The following SNTB1 variants were observed in gnomAD, a reference collection of about 807,000 sequenced individuals.
The protein encoded by SNTB1 is beta-1-syntrophin.
Under a neutral mutation model 48.9 loss-of-function variants are expected in SNTB1, and 36 were observed. The observed-to-expected ratio is 0.74, with a 90% CI of 0.56 to 0.97. The LOEUF (loss-of-function observed/expected upper bound fraction) is 0.97. Among genes scored for constraint, SNTB1 ranks in the 50% least tolerant of loss-of-function variants. The probability of loss-of-function intolerance (pLI) is 0.00; values close to 1 mark genes in which losing one functional copy is unlikely to be tolerated. For synonymous variants in SNTB1, 299 were observed against 294.6 expected, an observed-to-expected ratio of 1.01 and a Z score of -0.15; for missense variants, 786 against 703.4, an observed-to-expected ratio of 1.12 and a Z score of -1.33.
chr8:120,757,688 C>T (rs1819341090), intron 1 of SNTB1, among the ~76,000 whole-genome samples: 1 of 152,162 alleles, frequency 6.6e-6, no homozygotes, highest in South Asian at 2.1e-4. Context: ...TGAAAAACTT[C>T]CCTCTATTCC....
At chr8:120,590,429 G>A (rs1244238400) in intron 3 of SNTB1, among the ~76,000 whole-genome samples, 2 of 150,926 alleles carry the variant, frequency 1.3e-5, no homozygotes, top group African/African-American at 5.0e-5. Flanking sequence ...GGATTATTGT[G>A]ACAATCAAAT....
chr8:120,649,377 C>T (rs1343409916), intron 2 of SNTB1, among the ~76,000 whole-genome samples: 3 of 135,936 alleles, frequency 2.2e-5, no homozygotes, highest in Non-Finnish European at 1.6e-5. Flanking sequence ...GTTAGTTTTC[C>T]TTCTAACAGA....
Position 120,575,099 on chromosome 8 carries a change from G to A in SNTB1, c.1123C>T (p.Leu375Phe), listed in dbSNP as rs1268356294. 8.1e-6 allele frequency: 13 copies of A among 1,614,062 alleles called. No homozygotes were observed. The Admixed American group carries it at 2.0e-4, about 25-fold the overall frequency. Residue 375 changes from leucine (L) to phenylalanine (F), a missense_variant, in exon 4 of 7, where the codon CTT becomes TTT. Physicochemically the swap from Leu to Phe is conservative, Grantham distance 22. Transcript: ENST00000517992. Reference protein sequence around the residue: ...AWFSPVHTYPLLATRLVHSGP... With the variant: ...AWFSPVHTYPFLATRLVHSGP... Reference sequence around the variant, plus strand: ...GGCCATGGCTACCTGGTGGCAAGAAGAGGGTATGTGTGAACTGGGCTGAAC... The same window carrying A: ...GGCCATGGCTACCTGGTGGCAAGAAAAGGGTATGTGTGAACTGGGCTGAAC...
At chr8:120,776,026 G>A (rs1324993372) in intron 1 of SNTB1, among the ~76,000 whole-genome samples, 1 of 152,218 alleles carries the variant, frequency 6.6e-6, no homozygotes, top group Non-Finnish European at 1.5e-5. Context: ...GGAAGACAGT[G>A]TGGCAATTCC....
At chr8:120,655,495 G>C (rs1817486441) in intron 2 of SNTB1, among the ~76,000 whole-genome samples, 1 of 152,282 alleles carries the variant, frequency 6.6e-6, no homozygotes, top group African/African-American at 2.4e-5. Flanking sequence ...CAGATAAGAA[G>C]ATGGTGTCTT....
intron 1 of SNTB1, among the ~76,000 whole-genome samples, chr8:120,783,488 A>C (rs1485420664): frequency 3.3e-5 from 5 of 152,200 alleles, no homozygotes; most frequent in African/African-American, 1.2e-4. Flanking sequence ...CCCTAACCAA[A>C]ACCTAAAATA....
At chr8:120,771,400 C>T (rs1819626121) in intron 1 of SNTB1, among the ~76,000 whole-genome samples, 1 of 152,108 alleles carries the variant, frequency 6.6e-6, no homozygotes, top group Admixed American at 6.5e-5. Flanking sequence ...TTTCTGTTTC[C>T]ATGTGAAAAT....
At chr8:120,644,105 C>G (rs529472188) in intron 2 of SNTB1, among the ~76,000 whole-genome samples, 1 of 151,948 alleles carries the variant, frequency 6.6e-6, no homozygotes, top group East Asian at 1.9e-4. Flanking sequence ...GTTTTTGAAG[C>G]TGTGTACCAG....
intron 2 of SNTB1, among the ~76,000 whole-genome samples, chr8:120,667,312 C>T (rs1388570524): frequency 1.3e-5 from 2 of 152,174 alleles, no homozygotes; most frequent in Middle Eastern, 3.4e-3. Flanking sequence ...TGAAAGCTGG[C>T]CCCTGGCTGC....
At chr8:120,646,597 G>T (rs912269633) in intron 2 of SNTB1, among the ~76,000 whole-genome samples, 1 of 151,874 alleles carries the variant, frequency 6.6e-6, no homozygotes, top group African/African-American at 2.4e-5. Context: ...TTGCATTAAT[G>T]TTCATCAAGG....
intron 1 of SNTB1, among the ~76,000 whole-genome samples, chr8:120,721,150 T>C (rs1219560664): frequency 6.6e-6 from 1 of 152,242 alleles, no homozygotes; most frequent in Admixed American, 6.5e-5. Context: ...TAGACTTCTA[T>C]AAAGTATGCT....
At position 120,536,433 on chromosome 8, in the gene SNTB1, A is replaced by C. The variant is rs1365006300; in HGVS notation, c.*2444T>G. 1.3e-5 allele frequency: 2 copies of C among 152,200 alleles called. No individual in the cohort carries two copies. The highest frequency in any genetic ancestry group is 2.9e-5 in the Non-Finnish European group (2 of 68,028). 9.4% of individuals were successfully genotyped at this position (152,200 alleles called of 1,614,324 possible). A position where few individuals can be genotyped will look rare whatever the true frequency, so the allele number is the denominator to read the frequency against. On this transcript the variant is annotated 3_prime_UTR_variant, in exon 7 of 7. Coordinates refer to ENST00000517992, the MANE Select transcript of SNTB1 (RefSeq NM_021021.4). ...CCAGACTTATGAGTTTGTGTCATAC[A>C]CACCAGCACACATCAGACAAGATTA...
chr8:120,561,070 G>A (rs1815646840), intron 4 of SNTB1, among the ~76,000 whole-genome samples: 7 of 152,082 alleles, frequency 4.6e-5, no homozygotes, highest in Admixed American at 4.6e-4. Context: ...GCTCATGCCT[G>A]TAATCCCAGC....
chr8:120,640,174 CTGTT>C lies in SNTB1; in HGVS notation c.789-7527_789-7524del, dbSNP rs1238456371. Among the ~76,000 whole-genome samples, 28 of 151,782 alleles carry C rather than the reference CTGTT, an allele frequency of 1.8e-4. 1 individual carries two copies. The highest frequency in any genetic ancestry group is 1.6e-3 in the Admixed American group (25 of 15,226). ...GGGAGTTCACTCATGATTTGGCTCT[CTGTT>C]TGTCTGTTATTGGTGTATAAGAATG... On this transcript the variant is annotated intron_variant, in intron 2 of 6. Transcript: ENST00000517992.
chr8:120,552,470 G>C (rs1436898166), intron 4 of SNTB1, among the ~76,000 whole-genome samples: 2 of 152,196 alleles, frequency 1.3e-5, no homozygotes, highest in African/African-American at 2.4e-5. Context: ...GCGATTCTCT[G>C]TCTCAGCCTC....
In SNTB1 at chr8:120,575,025, G is replaced by C. The variant is rs1249237889; in HGVS notation, c.1136+61C>G. 7 of 1,605,988 alleles carry C rather than the reference G, an allele frequency of 4.4e-6. No individual in the cohort carries two copies. The East Asian group carries it at 1.3e-4, about 31-fold the overall frequency. On this transcript the variant is annotated intron_variant, in intron 4 of 6. Coordinates refer to ENST00000517992, the MANE Select transcript of SNTB1 (RefSeq NM_021021.4). ...AGTAATATAACGTATTGAGCTAATT[G>C]TAATTCATTAAATAGAATCCACCTG...
intron 1 of SNTB1, among the ~76,000 whole-genome samples, chr8:120,794,432 G>T (rs1236805543): frequency 1.3e-5 from 2 of 151,844 alleles, no homozygotes; most frequent in Non-Finnish European, 2.9e-5. Flanking sequence ...TAAAGTCTGT[G>T]TTACTTAGAG....
intron 1 of SNTB1, among the ~76,000 whole-genome samples, chr8:120,752,153 T>C (rs2130036401): frequency 1.3e-5 from 2 of 152,238 alleles, no homozygotes; most frequent in South Asian, 4.1e-4. Context: ...GGCAGGTGTA[T>C]GTGGTTCATT....
intron 1 of SNTB1, among the ~76,000 whole-genome samples, chr8:120,725,983 G>T (rs1818749586): frequency 6.6e-6 from 1 of 152,082 alleles, no homozygotes; most frequent in Non-Finnish European, 1.5e-5. Context: ...AAACCAATCT[G>T]ATCAATCTGA....
Sources: allele counts gnomAD v4.1 joint callset (sites outside exome capture counted in the v4.1 genomes callset), GRCh38; gene constraint gnomAD v4.1.1; transcripts MANE v1.5; gene names NCBI Gene and HGNC (gene_info 2026-07-23, HGNC 2026-07-21).